The following CAPN13 variants were observed in gnomAD, a reference collection of about 807,000 sequenced individuals.
The protein encoded by CAPN13 is calpain 13.
A neutral mutation model predicts 98.4 loss-of-function variants in CAPN13; 90 were observed. The ratio of observed to expected loss-of-function variants is 0.92; its 90% CI spans 0.77 to 1.09. The LOEUF (loss-of-function observed/expected upper bound fraction) is 1.09. Among genes scored for constraint, CAPN13 ranks in the 50% least tolerant of loss-of-function variants. CAPN13 has a pLI of 0.00. For missense variants in CAPN13, 887 were observed against 841.3 expected, an observed-to-expected ratio of 1.05 and a Z score of -0.67; for synonymous variants, 330 against 305.5, an observed-to-expected ratio of 1.08 and a Z score of -0.84.
intron 1 of CAPN13, among the ~76,000 whole-genome samples, chr2:30,794,226 A>C (rs1674742566): frequency 6.6e-6 from 1 of 151,858 alleles, no homozygotes; most frequent in African/African-American, 2.4e-5. Context: ...AAACCCACTA[A>C]AATGGCCAAA....
Position 30,754,281 on chromosome 2 carries a change from G to C in CAPN13, c.941+9C>G, listed in dbSNP as rs531667295. ...ATTTAAAACACCATTGTATAAGAAG[G>C]GTAAATACCAAAACTCGCCATCTTC... On this transcript the variant is annotated intron_variant, in intron 9 of 22. Coordinates refer to ENST00000295055, the MANE Select transcript of CAPN13 (RefSeq NM_144575.3). 1.3e-6 allele frequency: 2 copies of C among 1,598,198 alleles called. No homozygotes were observed.
At chr2:30,778,056 G>A (rs1673792236) in intron 2 of CAPN13, among the ~76,000 whole-genome samples, 1 of 152,216 alleles carries the variant, frequency 6.6e-6, no homozygotes, top group Admixed American at 6.5e-5. Context: ...CTTTTGTTGT[G>A]AAATGGTATA....
intron 12 of CAPN13, 64 bp from the exon 13 acceptor site, chr2:30,743,643 A>G (rs1671767483): frequency 1.4e-6 from 2 of 1,439,166 alleles, no homozygotes; most frequent in African/African-American, 1.4e-5. Context: ...CCCAGTCACC[A>G]AGAAAGACCC....
Position 30,799,799 on chromosome 2 carries a change from C to T in CAPN13, c.-33+7503G>A, listed in dbSNP as rs151060064. 3.3e-5 allele frequency among the ~76,000 whole-genome samples: 5 copies of T among 152,244 alleles called. No homozygotes were observed. In the East Asian group the frequency reaches 9.7e-4, roughly 29 times the overall value. ...ATGTAGAAAGCTACACAGGGCCAGGCGCAGTGGTTCACTCCTGTAATCCCA... is the reference window on the plus strand; with the variant it reads ...ATGTAGAAAGCTACACAGGGCCAGGTGCAGTGGTTCACTCCTGTAATCCCA... On this transcript the variant is annotated intron_variant, in intron 1 of 22. Coordinates refer to ENST00000295055, the MANE Select transcript of CAPN13 (RefSeq NM_144575.3).
intron 2 of CAPN13, 87 bp from the exon 3 acceptor site, chr2:30,777,726 G>T: frequency 8.8e-7 from 1 of 1,134,338 alleles, no homozygotes; most frequent in Non-Finnish European, 1.3e-6. Flanking sequence ...TTCAAGGGTC[G>T]AGGTTAATTC....
chr2:30,799,264 CAT>C (rs146100172), intron 1 of CAPN13, among the ~76,000 whole-genome samples: 3,096 of 152,222 alleles, frequency 0.02, 104 homozygotes, highest in African/African-American at 0.071. Context: ...GTTGGAAGAA[CAT>C]GTGAGTATTT....
At chr2:30,730,824 A>C in intron 21 of CAPN13, 38 bp from the exon 22 acceptor site, 1 of 780,518 alleles carries the variant, frequency 1.3e-6, no homozygotes, top group Non-Finnish European at 2.4e-6. Context: ...AATTCTTTAC[A>C]CTTGTTAGCT....
Position 30,738,425 on chromosome 2 carries a change from G to A in CAPN13, c.1569C>T (p.Gly523=). Residue 523 remains glycine, a synonymous_variant, in exon 16 of 23, where the codon GGC becomes GGT. Coordinates refer to ENST00000295055, the MANE Select transcript of CAPN13 (RefSeq NM_144575.3). ...RLDIDATQLQ[G]LLNQELLTGP... is the part of the protein sequence containing the mutation. ...CTGTTAGAAGCTCCTGGTTGAGAAG[G>A]CCCTGAAGCTGGGTGGCATCAATGT... 6.2e-7 allele frequency: 1 copy of A among 1,607,690 alleles called. No homozygotes were observed. Among genetic ancestry groups the A allele is most frequent in the Non-Finnish European group, 8.5e-7 (1 of 1,176,878 alleles).
At chr2:30,795,700 G>A (rs550957186) in intron 1 of CAPN13, among the ~76,000 whole-genome samples, 1 of 151,928 alleles carries the variant, frequency 6.6e-6, no homozygotes, top group East Asian at 1.9e-4. Context: ...CCAGTTTGTG[G>A]CTTATCTTCT....
At position 30,806,968 on chromosome 2, in the gene CAPN13, A is replaced by G. The variant is rs527928500; in HGVS notation, c.-33+334T>C. On this transcript the variant is annotated intron_variant, in intron 1 of 22. Coordinates refer to ENST00000295055, the MANE Select transcript of CAPN13 (RefSeq NM_144575.3). ...GATTTCTGCCATCAATGTGTCCCTT[A>G]CGGTGAACACAGCCCTCAAGGTCAC... Among the ~76,000 whole-genome samples, 110 of 152,338 alleles carry G rather than the reference A, an allele frequency of 7.2e-4. 1 individual carries two copies. The highest frequency in any genetic ancestry group is 1.1e-3 in the Non-Finnish European group (76 of 68,036).
intron 20 of CAPN13, 133 bp from the exon 21 acceptor site, chr2:30,731,532 T>G: frequency 4.4e-6 from 3 of 688,958 alleles, no homozygotes; most frequent in Non-Finnish European, 7.1e-6. Flanking sequence ...CCGCGGGGTG[T>G]GCCTGTCACC....
chr2:30,792,332 G>C (rs1228171976), intron 1 of CAPN13, among the ~76,000 whole-genome samples: 1 of 152,102 alleles, frequency 6.6e-6, no homozygotes, highest in African/African-American at 2.4e-5. Flanking sequence ...AAGAGTGAAA[G>C]AGAGAAAACA....
chr2:30,786,966 C>G (rs1674314481), intron 2 of CAPN13, among the ~76,000 whole-genome samples, 162 bp downstream of exon 2: 1 of 152,216 alleles, frequency 6.6e-6, no homozygotes, highest in South Asian at 2.1e-4. Flanking sequence ...GCTATAGCAT[C>G]TTCCCATCCT....
chr2:30,749,571 G>C (rs995800730), intron 11 of CAPN13, among the ~76,000 whole-genome samples: 2 of 152,166 alleles, frequency 1.3e-5, no homozygotes, highest in Admixed American at 6.5e-5. Flanking sequence ...TGTAATTCAA[G>C]CTCCAGCCCA....
At chr2:30,732,409 T>A in intron 20 of CAPN13, 29 bp downstream of exon 20, 2 of 1,611,848 alleles carry the variant, frequency 1.2e-6, no homozygotes, top group East Asian at 2.2e-5. Context: ...ACTGCCAAGG[T>A]CTCTGGGATG....
chr2:30,762,479 C>T (rs980970955), intron 7 of CAPN13, among the ~76,000 whole-genome samples: 7 of 152,188 alleles, frequency 4.6e-5, no homozygotes, highest in Non-Finnish European at 1.5e-5. Context: ...AGAAATGATG[C>T]ATGCCTCTTC....
intron 1 of CAPN13, among the ~76,000 whole-genome samples, chr2:30,796,775 G>C (rs1674904519): frequency 1.3e-5 from 2 of 152,170 alleles, no homozygotes; most frequent in South Asian, 4.1e-4. Flanking sequence ...CGCCTCACTT[G>C]ACTTCCTATT....
At chr2:30,732,305 C>T (rs757830526) in intron 20 of CAPN13, 133 bp downstream of exon 20, 147 of 1,121,606 alleles carry the variant, frequency 1.3e-4, no homozygotes, top group Non-Finnish European at 1.8e-4. Flanking sequence ...CGGTTGGCAC[C>T]TCACACAGGC....
chr2:30,767,254 G>A (rs1372164391), intron 5 of CAPN13, among the ~76,000 whole-genome samples: 1 of 152,188 alleles, frequency 6.6e-6, no homozygotes, highest in Non-Finnish European at 1.5e-5. Context: ...ATAATTCTAT[G>A]TGATTCACCC....
Sources: gnomAD v4.1 joint callset for allele counts (sites outside exome capture counted in the v4.1 genomes callset) on GRCh38, gnomAD v4.1.1 for gene constraint, MANE v1.5 for transcripts, NCBI Gene and HGNC (gene_info 2026-07-23, HGNC 2026-07-21) for gene names.